H2BC18: variants seen among roughly 807,000 people sequenced by gnomAD.
H2BC18 encodes H2B clustered histone 18, also known as histone H2B type 2-F.
H2BC18 carries 8 observed loss-of-function variants against 6.3 expected under a neutral mutation model. That is an observed-to-expected ratio of 1.28 (90% CI 0.75 to 2.31). The LOEUF (loss-of-function observed/expected upper bound fraction) is 2.31, where lower values mean the gene tolerates loss of function less well. Among genes scored for constraint, H2BC18 ranks in the 30% most tolerant of loss-of-function variants. The probability of loss-of-function intolerance (pLI) is 0.00; values close to 1 mark genes in which losing one functional copy is unlikely to be tolerated. For synonymous variants in H2BC18, 104 were observed against 78.1 expected (o/e 1.33, Z -1.75); for missense variants, 106 against 174.5 (o/e 0.61, Z 2.21).
chr1:149,788,633 A>C, intron 1 of H2BC18: 1 of 1,613,942 alleles, frequency 6.2e-7, no homozygotes, highest in South Asian at 1.1e-5. Context: ...GTATTGGAAT[A>C]GTCATAGAAC....
At chr1:149,786,632 C>A (rs2102038958) in intron 1 of H2BC18, 1 of 152,026 alleles carries the variant, frequency 6.6e-6, no homozygotes, top group South Asian at 2.1e-4. Context: ...TGGCTGACAC[C>A]AAAGTCATGA....
At position 149,803,016 on chromosome 1, in the gene H2BC18, C is replaced by A. The variant is rs1290369552; in HGVS notation, c.377+8931G>T. ...TGTTAATCTCCTCTGGTAACACCCTCACAGACACACCCAGAAACAATACTT... is the reference window on the plus strand; with the variant it reads ...TGTTAATCTCCTCTGGTAACACCCTAACAGACACACCCAGAAACAATACTT... On this transcript the variant is annotated intron_variant, in intron 1 of 1. Coordinates refer to the H2BC18 transcript ENST00000545683. 3.9e-5 allele frequency among the ~76,000 whole-genome samples: 6 copies of A among 152,344 alleles called. No individual in the cohort carries two copies. The East Asian group carries it at 1.2e-3, about 29-fold the overall frequency.
chr1:149,793,006 T>G lies in H2BC18; in HGVS notation c.378-9746A>C, dbSNP rs1553752292. ...CGGCCTCCCCAGGCGCGTAGCTGAG[T>G]CCCTCCAACCCCGCCCCGGGCCCGC... On this transcript the variant is annotated intron_variant, in intron 1 of 1. Transcript: ENST00000545683. 2.4e-6 allele frequency: 3 copies of G among 1,270,694 alleles called. No homozygotes were observed. The East Asian group carries it at 1.8e-4, about 76-fold the overall frequency. 78.7% of individuals were successfully genotyped at this position (1,270,694 alleles called of 1,614,324 possible). A position where few individuals can be genotyped will look rare whatever the true frequency, so the allele number is the denominator to read the frequency against.
chr1:149,789,870 G>A (rs587623550), intron 1 of H2BC18, among the ~76,000 whole-genome samples: 2 of 152,214 alleles, frequency 1.3e-5, no homozygotes, highest in East Asian at 3.9e-4. Context: ...CAGCAAGCTG[G>A]CAACCCTAAT....
intron 1 of H2BC18, among the ~76,000 whole-genome samples, chr1:149,785,243 A>C (rs1256521000): frequency 6.6e-6 from 1 of 152,166 alleles, no homozygotes; most frequent in East Asian, 1.9e-4. Flanking sequence ...CACTGGAGGC[A>C]AAATTGCCTT....
chr1:149,804,061 AT>A (rs2091896022), intron 1 of H2BC18: 2 of 152,138 alleles, frequency 1.3e-5, no homozygotes, highest in Admixed American at 6.5e-5. Flanking sequence ...TTCCCAAATT[AT>A]TTGCACATTC....
At chr1:149,806,319 G>A (rs587648403) in intron 1 of H2BC18, among the ~76,000 whole-genome samples, 4 of 152,278 alleles carry the variant, frequency 2.6e-5, no homozygotes, top group African/African-American at 7.2e-5. Flanking sequence ...GAGGCCGGGC[G>A]CACTGGCTCA....
intron 1 of H2BC18, chr1:149,788,729 G>C: frequency 7.6e-7 from 1 of 1,320,694 alleles, no homozygotes; most frequent in Non-Finnish European, 1.1e-6. Flanking sequence ...GCTCCAGAGA[G>C]GTAAACTGCA....
At chr1:149,796,675 C>T (rs1553752822) in intron 1 of H2BC18, among the ~76,000 whole-genome samples, 1 of 152,142 alleles carries the variant, frequency 6.6e-6, no homozygotes, top group African/African-American at 2.4e-5. Flanking sequence ...ATTGCAATTT[C>T]TTATCCCAAT....
chr1:149,786,899 CT>C (rs1364159439), intron 1 of H2BC18: 2 of 152,050 alleles, frequency 1.3e-5, no homozygotes, highest in Non-Finnish European at 2.9e-5. Context: ...TTGAAAATTG[CT>C]TTGTGGCCTA....
At chr1:149,784,392 C>T (rs2091484386) in intron 1 of H2BC18, 3 of 1,499,510 alleles carry the variant, frequency 2.0e-6, no homozygotes, top group Non-Finnish European at 2.7e-6. Context: ...CCAGGTGAAA[C>T]TAAATCAGTA....
chr1:149,809,446 A>G (rs1301982278), downstream of H2BC18, among the ~76,000 whole-genome samples: 3 of 151,988 alleles, frequency 2.0e-5, no homozygotes, highest in East Asian at 5.8e-4. Flanking sequence ...AAGGAGTAAG[A>G]AAAAAAGTTA....
At chr1:149,790,131 GAAACAA>G in intron 1 of H2BC18, 1 of 1,613,948 alleles carries the variant, frequency 6.2e-7, no homozygotes, top group Non-Finnish European at 8.5e-7. Context: ...CCTGAGCTGT[GAAACAA>G]AGTTGCTCTT....
chr1:149,800,495 G>C (rs1382367130), intron 1 of H2BC18, among the ~76,000 whole-genome samples: 21 of 144,112 alleles, frequency 1.5e-4, no homozygotes, highest in African/African-American at 5.5e-4. Context: ...GGGGCTGCCA[G>C]ACATCAGTCA....
intron 1 of H2BC18, chr1:149,805,227 C>G (rs1370451230): frequency 1.3e-5 from 2 of 151,868 alleles, no homozygotes; most frequent in African/African-American, 4.8e-5. Flanking sequence ...GATATTGAAC[C>G]TGAAATAATT....
Position 149,793,391 on chromosome 1 carries a change from C to T in H2BC18, c.378-10131G>A, listed in dbSNP as rs1246429663. 3.1e-4 allele frequency among the ~76,000 whole-genome samples: 47 copies of T among 151,990 alleles called. 1 individual carries two copies. The highest frequency in any genetic ancestry group is 7.4e-5 in the Non-Finnish European group (5 of 67,960). On this transcript the variant is annotated intron_variant, in intron 1 of 1. Transcript: ENST00000545683. ...AGCAAGCCAGCGGGCAAGAAGGCTC[C>T]AGGCTCCGCAGGGGCCACCCCACAT...
At position 149,791,191 on chromosome 1, in the gene H2BC18, C is replaced by G. The variant is rs782172512; in HGVS notation, c.378-7931G>C. The stretch of plus-strand genomic sequence containing the variant: ...CCAAACATAACTCAGCTAGACCCCT[C>G]TGGTCTCTAAATAGTATCTCTTCTC... On this transcript the variant is annotated intron_variant, in intron 1 of 1. Coordinates refer to the H2BC18 transcript ENST00000545683. 6.9e-6 allele frequency: 11 copies of G among 1,605,768 alleles called. 1 individual carries two copies. In the Admixed American group the frequency reaches 1.8e-4, roughly 27 times the overall value.
chr1:149,790,068 C>T, intron 1 of H2BC18: 1 of 1,613,780 alleles, frequency 6.2e-7, no homozygotes, highest in African/African-American at 1.3e-5. Context: ...ATTTCCAGCT[C>T]CAGTGCTGAA....
intron 1 of H2BC18, chr1:149,788,376 A>G: frequency 6.2e-7 from 1 of 1,612,852 alleles, no homozygotes; most frequent in Non-Finnish European, 8.5e-7. Flanking sequence ...GCTGGCTACT[A>G]CTGCAGGTCT....
Sources: gnomAD v4.1 joint callset for allele counts (sites outside exome capture counted in the v4.1 genomes callset) on GRCh38, gnomAD v4.1.1 for gene constraint, MANE v1.5 for transcripts, NCBI Gene and HGNC (gene_info 2026-07-23, HGNC 2026-07-21) for gene names.